NUCB2: variants seen among roughly 807,000 people sequenced by gnomAD.
NUCB2 encodes nucleobindin-2.
A neutral mutation model predicts 57.9 loss-of-function variants in NUCB2; 48 were observed. The observed-to-expected ratio is 0.83, with a 90% CI of 0.66 to 1.05. NUCB2 has a LOEUF of 1.05. Ranked by LOEUF, NUCB2 falls within the 50% of genes least tolerant of loss-of-function variation. The probability of loss-of-function intolerance (pLI) is 0.00; values close to 1 mark genes in which losing one functional copy is unlikely to be tolerated. For missense variants in NUCB2, 442 were observed against 476.2 expected (o/e 0.93, Z 0.67); for synonymous variants, 139 against 152.1 (o/e 0.91, Z 0.64).
At chr11:17,302,545 C>T (rs1195433171) in intron 5 of NUCB2, among the ~76,000 whole-genome samples, 1 of 151,936 alleles carries the variant, frequency 6.6e-6, no homozygotes, top group Non-Finnish European at 1.5e-5. Flanking sequence ...ACACAAGATC[C>T]AGACCATTTC....
rs374539174 is a variant in NUCB2 at position 17,326,417 on chromosome 11, A to T, written c.1003-3710A>T. ...ACCGCAACCTCTGCCTCCTGGGTTC[A>T]AGCGATTCTCCTGCCTCCCCCTCCC... On this transcript the variant is annotated intron_variant, in intron 11 of 13. Coordinates refer to ENST00000529010, the MANE Select transcript of NUCB2 (RefSeq NM_005013.4). Among the ~76,000 whole-genome samples the T allele has an allele frequency of 2.5e-4, 37 of 145,256 alleles. No homozygotes were observed. In the East Asian group the frequency reaches 7.4e-3, roughly 29 times the overall value.
rs11024247 is a variant in NUCB2, at chr11:17,307,451, T to G, written c.380-2121T>G. ...CTGGGATTATAGGCATGAGCCACTGTGCCTGACTCTTGAGTTTCTTTATAT... is the reference window on the plus strand; with the variant it reads ...CTGGGATTATAGGCATGAGCCACTGGGCCTGACTCTTGAGTTTCTTTATAT... On this transcript the variant is annotated intron_variant, in intron 5 of 13. Coordinates refer to ENST00000529010, the MANE Select transcript of NUCB2 (RefSeq NM_005013.4). 4.4e-4 allele frequency among the ~76,000 whole-genome samples: 67 copies of G among 152,356 alleles called. No individual in the cohort carries two copies. In the East Asian group the frequency reaches 0.012, roughly 27 times the overall value.
chr11:17,329,556 C>T (rs1951119277), intron 11 of NUCB2, among the ~76,000 whole-genome samples: 1 of 152,250 alleles, frequency 6.6e-6, no homozygotes, highest in Non-Finnish European at 1.5e-5. Flanking sequence ...TTATTCTCTG[C>T]TGTGACAGGG....
At chr11:17,281,716 T>A (rs781456129) in intron 1 of NUCB2, among the ~76,000 whole-genome samples, 3 of 152,184 alleles carry the variant, frequency 2.0e-5, no homozygotes, top group Admixed American at 6.6e-5. Context: ...TTTTACCATG[T>A]TGTGTCAATA....
intron 11 of NUCB2, among the ~76,000 whole-genome samples, chr11:17,320,924 G>A (rs1456420811): frequency 6.6e-6 from 1 of 152,078 alleles, no homozygotes; most frequent in African/African-American, 2.4e-5. Context: ...GGTGTATTCA[G>A]ACAAGTTTTT....
At chr11:17,289,135 TTTA>T (rs906234492) in intron 2 of NUCB2, among the ~76,000 whole-genome samples, 13 of 151,958 alleles carry the variant, frequency 8.6e-5, no homozygotes, top group Admixed American at 3.9e-4. Context: ...TTTTTGTATT[TTTA>T]GTAGAGACAG....
At chr11:17,325,818 T>TG (rs985209336) in intron 11 of NUCB2, among the ~76,000 whole-genome samples, 11 of 152,248 alleles carry the variant, frequency 7.2e-5, no homozygotes, top group African/African-American at 2.4e-4. Context: ...CTTGCTTTTT[T>TG]TGTGTGTGTA....
chr11:17,288,950 C>CACAT lies in NUCB2; in HGVS notation c.-1+6008_-1+6009insCATA, dbSNP rs1944414979. Among the ~76,000 whole-genome samples, 11 of 33,154 alleles carry CACAT rather than the reference C, an allele frequency of 3.3e-4. 1 individual carries two copies. Among genetic ancestry groups the CACAT allele is most frequent in the Non-Finnish European group, 5.3e-4 (11 of 20,798 alleles). 21.8% of individuals were successfully genotyped at this position (33,154 alleles called of 152,430 possible). A position where few individuals can be genotyped will look rare whatever the true frequency, so the allele number is the denominator to read the frequency against. ...ACACACACACACACACACACACACA[C>CACAT]ATATATATATATATTTTTTTTTTTT... On this transcript the variant is annotated intron_variant, in intron 2 of 13. Transcript: ENST00000529010.
At chr11:17,347,458 T>A (rs1296889730) in intron 2 of NUCB2, among the ~76,000 whole-genome samples, 1 of 152,220 alleles carries the variant, frequency 6.6e-6, no homozygotes, top group East Asian at 1.9e-4. Flanking sequence ...GTCCAATTCT[T>A]TGTTTGACTG....
At chr11:17,302,529 A>G (rs1946906314) in intron 5 of NUCB2, among the ~76,000 whole-genome samples, 1 of 152,084 alleles carries the variant, frequency 6.6e-6, no homozygotes. Flanking sequence ...CTAGCCCCAG[A>G]AAAAAACACA....
At chr11:17,312,405 ATTT>A (rs201161740) in intron 10 of NUCB2, among the ~76,000 whole-genome samples, 2 of 137,582 alleles carry the variant, frequency 1.5e-5, no homozygotes, top group Admixed American at 7.3e-5. Context: ...CCTACCTAAT[ATTT>A]TTTTTTTTTT....
At position 17,311,946 on chromosome 11, in the gene NUCB2, A is replaced by C. The variant is rs1948542692; in HGVS notation, c.819+16A>C. ...TACTAAAGAGGTAAAGGAGTTTATT[A>C]AGTATTCAGTGTTCTTGTTCTCTCT... is the stretch of plus-strand genomic sequence containing the variant. On this transcript the variant is annotated intron_variant, in intron 9 of 13. Transcript: ENST00000529010. 2 of 1,564,324 alleles carry C rather than the reference A, an allele frequency of 1.3e-6. No individual in the cohort carries two copies. The highest frequency in any genetic ancestry group is 1.7e-6 in the Non-Finnish European group (2 of 1,144,126).
intron 11 of NUCB2, among the ~76,000 whole-genome samples, chr11:17,325,095 G>C (rs1183402582): frequency 2.0e-5 from 3 of 152,156 alleles, no homozygotes; most frequent in African/African-American, 7.2e-5. Context: ...GGGCCACCGT[G>C]CCTGGCCTAT....
At chr11:17,280,760 C>T (rs1942390618) in intron 1 of NUCB2, among the ~76,000 whole-genome samples, 1 of 152,142 alleles carries the variant, frequency 6.6e-6, no homozygotes, top group Non-Finnish European at 1.5e-5. Context: ...GACTGTAAGA[C>T]CGGGCATGAT....
intron 5 of NUCB2, among the ~76,000 whole-genome samples, chr11:17,305,654 C>T (rs1947507474): frequency 6.6e-6 from 1 of 151,884 alleles, no homozygotes; most frequent in Non-Finnish European, 1.5e-5. Flanking sequence ...ACAGGTCTCA[C>T]TCTGTTGCCC....
chr11:17,342,884 C>T (rs1278336328), intron 2 of NUCB2, among the ~76,000 whole-genome samples: 1 of 152,022 alleles, frequency 6.6e-6, no homozygotes, highest in East Asian at 1.9e-4. Flanking sequence ...CTTTCTGTCT[C>T]GTTGATCTGT....
intron 11 of NUCB2, among the ~76,000 whole-genome samples, chr11:17,316,041 T>C (rs568148359): frequency 1.1e-3 from 171 of 152,190 alleles, no homozygotes; most frequent in African/African-American, 3.9e-3. Flanking sequence ...AGCGCGACCT[T>C]GGCTCACTGC....
chr11:17,337,687 A>G (rs1951926029), intron 2 of NUCB2, among the ~76,000 whole-genome samples: 1 of 152,062 alleles, frequency 6.6e-6, no homozygotes, highest in South Asian at 2.1e-4. Flanking sequence ...CTCGTTGCCC[A>G]GGCTAGAGTG....
chr11:17,328,758 A>T (rs1951009396), intron 11 of NUCB2, among the ~76,000 whole-genome samples: 1 of 152,068 alleles, frequency 6.6e-6, no homozygotes, highest in African/African-American at 2.4e-5. Flanking sequence ...CAAGGCCTGG[A>T]CTCAGGGACT....
Sources: allele counts gnomAD v4.1 joint callset (sites outside exome capture counted in the v4.1 genomes callset), GRCh38; gene constraint gnomAD v4.1.1; transcripts MANE v1.5; gene names NCBI Gene and HGNC (gene_info 2026-07-23, HGNC 2026-07-21).